The following TOP6BL variants were observed in gnomAD, a reference collection of about 807,000 sequenced individuals.
TOP6BL encodes the protein type 2 DNA topoisomerase 6 subunit B-like.
the TOP6BL span, among the ~76,000 whole-genome samples, chr11:66,784,956 CTTTTTTTTTTTTT>C: frequency 2.1e-5 from 2 of 95,124 alleles, no homozygotes; most frequent in Non-Finnish European, 3.9e-5. Flanking sequence ...TCTAAGATTT[CTTTTTTTTTTTTT>C]TTTTTTTTGA....
At chr11:66,755,352 C>T in the TOP6BL span, among the ~76,000 whole-genome samples, 1 of 152,138 alleles carries the variant, frequency 6.6e-6, no homozygotes, top group African/African-American at 2.4e-5. Context: ...AACTCCTAAC[C>T]TCAGGTGATC....
the TOP6BL span, among the ~76,000 whole-genome samples, chr11:66,767,417 G>C: frequency 6.6e-6 from 1 of 151,998 alleles, no homozygotes; most frequent in South Asian, 2.1e-4. Context: ...ATTCAAGTGA[G>C]GAAAGGAAAG....
chr11:66,751,253 G>A, the TOP6BL span, among the ~76,000 whole-genome samples: 3 of 152,016 alleles, frequency 2.0e-5, no homozygotes, highest in African/African-American at 7.2e-5. Flanking sequence ...GTGCAGTGGC[G>A]CCAGGATCTC....
At chr11:66,753,560 C>T in the TOP6BL span, among the ~76,000 whole-genome samples, 1 of 151,798 alleles carries the variant, frequency 6.6e-6, no homozygotes, top group African/African-American at 2.4e-5. Flanking sequence ...GTGCCTGCCA[C>T]CACGCCCGGC....
the TOP6BL span, chr11:66,748,295 A>G: frequency 9.5e-7 from 1 of 1,049,302 alleles, no homozygotes; most frequent in South Asian, 1.9e-5. Flanking sequence ...AATTAGAGTT[A>G]CTAATTTAAC....
the TOP6BL span, among the ~76,000 whole-genome samples, chr11:66,785,346 G>A: frequency 6.6e-6 from 1 of 152,022 alleles, no homozygotes; most frequent in East Asian, 1.9e-4. Context: ...CTTTTTAAAG[G>A]TATAAAATAT....
the TOP6BL span, among the ~76,000 whole-genome samples, chr11:66,837,558 C>T: frequency 1.3e-5 from 2 of 151,446 alleles, no homozygotes; most frequent in African/African-American, 2.4e-5. Context: ...AATTTTCCTG[C>T]CTCAGCCTCC....
At chr11:66,788,213 G>C in the TOP6BL span, 1 of 1,613,942 alleles carries the variant, frequency 6.2e-7, no homozygotes, top group Non-Finnish European at 8.5e-7. Flanking sequence ...GACTTCAGAG[G>C]AAGGCAGCTA....
chr11:66,757,551 A>G, the TOP6BL span, among the ~76,000 whole-genome samples: 21 of 152,218 alleles, frequency 1.4e-4, no homozygotes, highest in South Asian at 3.3e-3. Flanking sequence ...ACATGTGACT[A>G]TGGAGTGCTT....
At chr11:66,816,017 T>C in the TOP6BL span, 107 of 1,546,146 alleles carry the variant, frequency 6.9e-5, 2 homozygotes, top group Middle Eastern at 1.7e-3. Context: ...AGAGCTTTAC[T>C]TATCTTAGAA....
chr11:66,752,552 A>G, the TOP6BL span, among the ~76,000 whole-genome samples: 37 of 152,040 alleles, frequency 2.4e-4, no homozygotes, highest in African/African-American at 8.7e-4. Flanking sequence ...CCCGGGTTCA[A>G]GTGATTCTCC....
At chr11:66,764,891 C>T in the TOP6BL span, among the ~76,000 whole-genome samples, 1 of 151,882 alleles carries the variant, frequency 6.6e-6, no homozygotes, top group Non-Finnish European at 1.5e-5. Flanking sequence ...CCATTTGAGC[C>T]CAGGAGGTCA....
At chr11:66,793,426 A>G in the TOP6BL span, among the ~76,000 whole-genome samples, 1 of 146,288 alleles carries the variant, frequency 6.8e-6, no homozygotes, top group East Asian at 2.0e-4. Context: ...ACTTTTTCAA[A>G]TAATTTTTTC....
At chr11:66,791,786 G>A in the TOP6BL span, among the ~76,000 whole-genome samples, 1 of 151,594 alleles carries the variant, frequency 6.6e-6, no homozygotes, top group African/African-American at 2.4e-5. Context: ...ACTGTAAAAG[G>A]CTTTGTCATC....
chr11:66,821,500 C>T, the TOP6BL span: 1 of 808,760 alleles, frequency 1.2e-6, no homozygotes, highest in Non-Finnish European at 1.8e-6. Context: ...TGGTCTCGAT[C>T]TCCTGACCTC....
At chr11:66,819,877 C>T in the TOP6BL span, among the ~76,000 whole-genome samples, 15 of 145,394 alleles carry the variant, frequency 1.0e-4, no homozygotes, top group African/African-American at 3.3e-4. Flanking sequence ...CACTCCAGCT[C>T]GGGCAACAAG....
At chr11:66,779,216 G>T in the TOP6BL span, among the ~76,000 whole-genome samples, 2 of 152,120 alleles carry the variant, frequency 1.3e-5, no homozygotes, top group Non-Finnish European at 2.9e-5. Context: ...AACCATCAGA[G>T]TGAACAGGCA....
At chr11:66,753,528 TCC>T in the TOP6BL span, among the ~76,000 whole-genome samples, 1 of 150,076 alleles carries the variant, frequency 6.7e-6, no homozygotes, top group Non-Finnish European at 1.5e-5. Flanking sequence ...TGCCTCAGCC[TCC>T]CGAGTAGCTG....
the TOP6BL span, among the ~76,000 whole-genome samples, chr11:66,753,629 A>G: frequency 1.3e-5 from 2 of 151,560 alleles, no homozygotes; most frequent in African/African-American, 2.4e-5. Context: ...GATGGTCTCT[A>G]TCTCCTGACC....
Sources: gnomAD v4.1 joint callset for allele counts (sites outside exome capture counted in the v4.1 genomes callset) on GRCh38, gnomAD v4.1.1 for gene constraint, MANE v1.5 for transcripts, NCBI Gene and HGNC (gene_info 2026-07-23, HGNC 2026-07-21) for gene names.